Variants in LPA observed in about 807,000 individuals in gnomAD.
LPA encodes apolipoprotein(a).
Under a neutral mutation model 197.9 loss-of-function variants are expected in LPA, and 199 were observed. The ratio of observed to expected loss-of-function variants is 1.01; its 90% CI spans 0.90 to 1.13. LPA has a LOEUF of 1.13. Among genes scored for constraint, LPA ranks in the 50% most tolerant of loss-of-function variants. The pLI is 0.00. For missense variants in LPA, 1,853 were observed against 1,785.8 expected, an observed-to-expected ratio of 1.04 and a Z score of -0.68; for synonymous variants, 715 against 639.5, an observed-to-expected ratio of 1.12 and a Z score of -1.78.
At chr6:160,662,320 T>A (rs1222055738) in intron 1 of LPA, among the ~76,000 whole-genome samples, 3 of 152,218 alleles carry the variant, frequency 2.0e-5, no homozygotes, top group Admixed American at 2.0e-4. Context: ...CACTGTGGTG[T>A]GTGAATGTGT....
chr6:160,631,703 G>A (rs1394669369), intron 8 of LPA, among the ~76,000 whole-genome samples: 6 of 147,528 alleles, frequency 4.1e-5, no homozygotes, highest in Admixed American at 2.1e-4. Context: ...TTTTTTTTCC[G>A]AAATTCCCTA....
chr6:160,648,934 C>A (rs1393731685), intron 2 of LPA, among the ~76,000 whole-genome samples: 1 of 152,060 alleles, frequency 6.6e-6, no homozygotes, highest in Non-Finnish European at 1.5e-5. Context: ...GCTTGTGGGT[C>A]ACACTAAAAG....
chr6:160,605,193 T>A lies in LPA; in HGVS notation c.2798A>T (p.Gln933Leu), dbSNP rs1187235047. The change falls in exon 18 of 39, where the codon CAA becomes CTA. Residue 933 changes from glutamine (Q) to leucine (L), a missense_variant. This residue lies in a region of LPA where 1,737 missense variants were observed against 1,504.4 expected (regional missense o/e 1.15). Coordinates refer to ENST00000316300, the MANE Select transcript of LPA (RefSeq NM_005577.4). ...EAPSEQAPTE[Q>L]RPGVQECYHG... ...GTAGCACTCCTGCACCCCAGGCCTT[T>A]GCTCAGTTGGTGCTGAAATGAAAAG... The A allele has an allele frequency of 6.2e-7, 1 of 1,613,754 alleles. No individual in the cohort carries two copies. The highest frequency in any genetic ancestry group is 8.5e-7 in the Non-Finnish European group (1 of 1,179,880).
chr6:160,533,287 TA>T (rs1562312365), intron 37 of LPA, among the ~76,000 whole-genome samples: 1 of 152,280 alleles, frequency 6.6e-6, no homozygotes, highest in East Asian at 1.9e-4. Flanking sequence ...TTTATTGCAA[TA>T]AAAAAGAATA....
Position 160,577,074 on chromosome 6 carries a change from G to C in LPA, c.4631+62C>G. The stretch of plus-strand genomic sequence containing the variant: ...CCCTAGGAAGTGAGCTTAAAGCATG[G>C]GTCTTCTAACCAATATTTGAGTTGG... On this transcript the variant is annotated intron_variant, in intron 28 of 38. Transcript: ENST00000316300. 4 of 1,589,378 alleles carry C rather than the reference G, an allele frequency of 2.5e-6. No individual in the cohort carries two copies. The East Asian group carries it at 9.0e-5, about 36-fold the overall frequency.
At chr6:160,602,305 C>T (rs1299721096) in intron 18 of LPA, among the ~76,000 whole-genome samples, 1 of 152,094 alleles carries the variant, frequency 6.6e-6, no homozygotes, top group African/African-American at 2.4e-5. Flanking sequence ...TTTATGATTG[C>T]TTTAGGATTT....
chr6:160,600,402 A>G (rs565312866), intron 19 of LPA, among the ~76,000 whole-genome samples: 1 of 152,262 alleles, frequency 6.6e-6, no homozygotes, highest in African/African-American at 2.4e-5. Context: ...CGGACTGAAA[A>G]AGACCTGAGA....
At chr6:160,544,767 C>T (rs1192304518) in intron 33 of LPA, among the ~76,000 whole-genome samples, 1 of 152,112 alleles carries the variant, frequency 6.6e-6, no homozygotes, top group East Asian at 1.9e-4. Context: ...GTACAAGTGG[C>T]TTTTTTTCCC....
intron 30 of LPA, among the ~76,000 whole-genome samples, chr6:160,553,963 G>A (rs186966104): frequency 4.9e-4 from 73 of 150,112 alleles, no homozygotes; most frequent in East Asian, 2.2e-3. Flanking sequence ...GTGCGCGCGC[G>A]CGCGTGTGCG....
chr6:160,650,246 AT>A, intron 2 of LPA, 91 bp downstream of exon 2: 1 of 1,334,932 alleles, frequency 7.5e-7, no homozygotes, highest in East Asian at 2.3e-5. Flanking sequence ...TGTGAGAAAA[AT>A]TTAATCATAA....
chr6:160,651,045 G>C (rs1034434143), intron 1 of LPA, among the ~76,000 whole-genome samples: 16 of 152,170 alleles, frequency 1.1e-4, no homozygotes, highest in Non-Finnish European at 2.4e-4. Flanking sequence ...TTGGAGGAGA[G>C]ACTGGAAATT....
intron 28 of LPA, among the ~76,000 whole-genome samples, chr6:160,568,924 A>T (rs1326096701): frequency 6.6e-6 from 1 of 152,234 alleles, no homozygotes; most frequent in Non-Finnish European, 1.5e-5. Context: ...CCAACTTACA[A>T]GGGATGGGAA....
At chr6:160,606,439 C>A (rs758381610) in intron 17 of LPA, 38 bp downstream of exon 17, 2 of 1,609,158 alleles carry the variant, frequency 1.2e-6, no homozygotes, top group Non-Finnish European at 1.7e-6. Flanking sequence ...TTCATCCCAG[C>A]ATCGAAACGT....
chr6:160,558,576 T>C (rs1163202347), intron 28 of LPA, among the ~76,000 whole-genome samples: 2 of 152,154 alleles, frequency 1.3e-5, no homozygotes, highest in Non-Finnish European at 2.9e-5. Context: ...CCTCTCCTGC[T>C]CTCAGTCCAT....
intron 28 of LPA, 86 bp from the exon 29 acceptor site, chr6:160,557,657 G>T: frequency 1.7e-6 from 2 of 1,170,982 alleles, no homozygotes; most frequent in Non-Finnish European, 2.6e-6. Flanking sequence ...TTATAACAAA[G>T]TGTTAAAAAG....
intron 6 of LPA, among the ~76,000 whole-genome samples, chr6:160,635,969 G>A (rs1779809290): frequency 2.4e-5 from 1 of 41,624 alleles, no homozygotes; most frequent in African/African-American, 1.7e-4. Flanking sequence ...CTCCCAGGCA[G>A]GATGCAGTAT....
intron 1 of LPA, among the ~76,000 whole-genome samples, chr6:160,660,833 C>T (rs562751475): frequency 7.2e-5 from 11 of 152,266 alleles, no homozygotes; most frequent in African/African-American, 2.4e-4. Context: ...AGGCTTACTA[C>T]AGTGACACAC....
intron 20 of LPA, among the ~76,000 whole-genome samples, chr6:160,597,256 C>A (rs1779151365): frequency 6.6e-6 from 1 of 152,182 alleles, no homozygotes; most frequent in African/African-American, 2.4e-5. Flanking sequence ...AGATTTATAA[C>A]CATAGTGAGA....
At chr6:160,578,394 G>A (rs992700565) in intron 27 of LPA, 129 bp downstream of exon 27, 37 of 1,151,986 alleles carry the variant, frequency 3.2e-5, no homozygotes, top group Admixed American at 1.5e-4. Flanking sequence ...CAGAGAGGGC[G>A]CTGAGGCTTT....
Sources: allele counts gnomAD v4.1 joint callset (sites outside exome capture counted in the v4.1 genomes callset), GRCh38; gene constraint gnomAD v4.1.1; regional missense constraint gnomAD v4.1.1; transcripts MANE v1.5; gene names NCBI Gene and HGNC (gene_info 2026-07-23, HGNC 2026-07-21).